SKAP1: variants seen among roughly 807,000 people sequenced by gnomAD.
SKAP1 encodes the protein src kinase-associated phosphoprotein 1.
In SKAP1, 44 loss-of-function variants were observed where a neutral mutation model predicts 58.5. The ratio of observed to expected loss-of-function variants is 0.75; its 90% confidence interval spans 0.59 to 0.97. The LOEUF is 0.97. Ranked by LOEUF, SKAP1 falls within the 50% of genes least tolerant of loss-of-function variation. SKAP1 has a pLI of 0.00. For missense variants in SKAP1, 390 were observed against 435.2 expected (o/e 0.90, Z 0.92); for synonymous variants, 127 against 149.7 (o/e 0.85, Z 1.11).
intron 4 of SKAP1, among the ~76,000 whole-genome samples, chr17:48,190,978 TC>T (rs2064536086): frequency 1.3e-5 from 2 of 152,204 alleles, no homozygotes; most frequent in Non-Finnish European, 2.9e-5. Context: ...GGATGAGACT[TC>T]GTCTCAAAAC....
intron 2 of SKAP1, 67 bp from the exon 3 acceptor site, chr17:48,363,881 AC>A: frequency 7.2e-7 from 1 of 1,396,104 alleles, no homozygotes; most frequent in Non-Finnish European, 1.0e-6. Flanking sequence ...TGGTTGGCCT[AC>A]CATAGCTATA....
intron 4 of SKAP1, among the ~76,000 whole-genome samples, chr17:48,263,815 C>T (rs572864317): frequency 6.6e-6 from 1 of 152,322 alleles, no homozygotes; most frequent in South Asian, 2.1e-4. Flanking sequence ...CAGATGACCT[C>T]CATTGCTGCC....
At chr17:48,322,657 A>C (rs900476870) in intron 4 of SKAP1, among the ~76,000 whole-genome samples, 2 of 152,180 alleles carry the variant, frequency 1.3e-5, no homozygotes, top group African/African-American at 4.8e-5. Flanking sequence ...CAACTTTCTT[A>C]TTTTGGAGAG....
rs755566436 is a variant in SKAP1, at chr17:48,182,458, C to T, written c.568-1G>A. On this transcript the variant is annotated splice_acceptor_variant, in intron 7 of 12. Transcript: ENST00000336915. LOFTEE classifies it high-confidence loss of function. The stretch of plus-strand genomic sequence containing the variant: ...CTTCTGCTGGACTAGTAGCTGTAAA[C>T]TAGAGAAAAATCAGTGAATTAATTT... The T allele has an allele frequency of 6.2e-7, 1 of 1,604,226 alleles. No homozygotes were observed.
At chr17:48,252,898 T>C (rs2065381994) in intron 4 of SKAP1, among the ~76,000 whole-genome samples, 1 of 152,148 alleles carries the variant, frequency 6.6e-6, no homozygotes, top group South Asian at 2.1e-4. Flanking sequence ...ATTGCTGGAG[T>C]AGATGCTATA....
Position 48,363,077 on chromosome 17 carries a change from C to G in SKAP1, c.178+712G>C, listed in dbSNP as rs113240430. 4.0e-3 allele frequency among the ~76,000 whole-genome samples: 607 copies of G among 152,278 alleles called. 8 individuals are homozygous for G. The highest frequency in any genetic ancestry group is 0.014 in the African/African-American group (582 of 41,546). ...GCAAATACTTTAAAAGATATCCCCT[C>G]AAACTGTTTGAATTCGGAAAAAAAT... On this transcript the variant is annotated intron_variant, in intron 3 of 12. Transcript: ENST00000336915.
intron 4 of SKAP1, among the ~76,000 whole-genome samples, chr17:48,204,973 T>TTTTCTTTTCTTTCTTTCTTTCTTTCTTTC (rs71356522): frequency 7.8e-4 from 60 of 77,312 alleles, no homozygotes; most frequent in South Asian, 1.4e-3. Context: ...TTTTCTTTTC[T>TTTTCTTTTCTTTCTTTCTTTCTTTCTTTC]TTTCTTTCTT....
At chr17:48,198,221 C>G (rs181989244) in intron 4 of SKAP1, among the ~76,000 whole-genome samples, 1 of 151,812 alleles carries the variant, frequency 6.6e-6, no homozygotes. Context: ...TTTGGGAGGC[C>G]GAGACGGGCG....
rs543670555 is a variant in SKAP1 at position 48,296,226 on chromosome 17, C to A, written c.280+49679G>T. On this transcript the variant is annotated intron_variant, in intron 4 of 12. Transcript: ENST00000336915. ...ATTAAGGTTTGGAAAGAAAAAAAAA[C>A]CACAGAAGAGAAGTAATTTAGCATG... is the stretch of plus-strand genomic sequence containing the variant. Among the ~76,000 whole-genome samples the A allele has an allele frequency of 1.9e-3, 295 of 152,054 alleles. 1 individual carries two copies. The highest frequency in any genetic ancestry group is 6.8e-3 in the Middle Eastern group (2 of 294).
chr17:48,151,385 C>T (rs1196259390), intron 11 of SKAP1, among the ~76,000 whole-genome samples: 1 of 152,174 alleles, frequency 6.6e-6, no homozygotes. Flanking sequence ...AAGCAAATAG[C>T]TATAAAATCA....
intron 4 of SKAP1, among the ~76,000 whole-genome samples, chr17:48,195,199 T>C (rs756234144): frequency 1.3e-5 from 2 of 152,218 alleles, no homozygotes; most frequent in Non-Finnish European, 2.9e-5. Context: ...CATTACTGCT[T>C]TTCCTTAGCT....
intron 4 of SKAP1, among the ~76,000 whole-genome samples, chr17:48,228,692 A>G (rs2065095945): frequency 6.6e-6 from 1 of 152,194 alleles, no homozygotes. Context: ...CCATTTTATG[A>G]ATGAAGAAAC....
At chr17:48,249,350 A>G (rs890926359) in intron 4 of SKAP1, among the ~76,000 whole-genome samples, 1 of 152,186 alleles carries the variant, frequency 6.6e-6, no homozygotes, top group Admixed American at 6.5e-5. Flanking sequence ...CCTTATAGAA[A>G]ATACATGGAC....
intron 4 of SKAP1, among the ~76,000 whole-genome samples, chr17:48,287,901 ACT>A (rs1354386091): frequency 6.6e-6 from 1 of 152,198 alleles, no homozygotes; most frequent in African/African-American, 2.4e-5. Flanking sequence ...ATGTCTTAGC[ACT>A]CTCTTACGTC....
intron 4 of SKAP1, among the ~76,000 whole-genome samples, chr17:48,261,833 T>C (rs187253247): frequency 0.022 from 3,365 of 151,770 alleles, 47 homozygotes; most frequent in Middle Eastern, 0.051. Flanking sequence ...GAAAAAACCA[T>C]ACACACAATG....
intron 4 of SKAP1, among the ~76,000 whole-genome samples, chr17:48,254,107 C>T (rs978815392): frequency 4.6e-5 from 7 of 152,144 alleles, no homozygotes; most frequent in African/African-American, 9.7e-5. Context: ...TATTGTACTA[C>T]GTGTCCCTGG....
intron 3 of SKAP1, among the ~76,000 whole-genome samples, chr17:48,350,637 G>C (rs1380531736): frequency 1.3e-5 from 2 of 152,062 alleles, no homozygotes; most frequent in African/African-American, 2.4e-5. Flanking sequence ...CAGAGGTTGC[G>C]GTGAGCCGAG....
At chr17:48,405,335 T>C (rs2067555595) in intron 1 of SKAP1, among the ~76,000 whole-genome samples, 1 of 132,682 alleles carries the variant, frequency 7.5e-6, no homozygotes, top group African/African-American at 3.1e-5. Flanking sequence ...CCTGGGCTAT[T>C]TTGCTTTTTT....
At chr17:48,143,533 A>G (rs949266379) in intron 11 of SKAP1, among the ~76,000 whole-genome samples, 4 of 152,034 alleles carry the variant, frequency 2.6e-5, no homozygotes, top group African/African-American at 9.7e-5. Context: ...TCTTGGTACA[A>G]GATATGTTAC....
Sources: allele counts gnomAD v4.1 joint callset (sites outside exome capture counted in the v4.1 genomes callset), GRCh38; gene constraint gnomAD v4.1.1; transcripts MANE v1.5; gene names NCBI Gene and HGNC (gene_info 2026-07-23, HGNC 2026-07-21).